GALNT13: variants seen among roughly 807,000 people sequenced by gnomAD.
GALNT13 encodes UDP-GalNAc:polypeptide N-acetylgalactosaminyltransferase 13.
Under a neutral mutation model 64.2 loss-of-function variants are expected in GALNT13, and 28 were observed. The observed-to-expected ratio is 0.44, with a 90% CI of 0.32 to 0.60. GALNT13 has a LOEUF of 0.60. Among genes scored for constraint, GALNT13 ranks in the 20% least tolerant of loss-of-function variants. The pLI, the probability that GALNT13 is intolerant of heterozygous loss-of-function variation, is 0.05. For synonymous variants in GALNT13, 214 were observed against 224.6 expected, an observed-to-expected ratio of 0.95 and a Z score of 0.42; for missense variants, 577 against 669.8, an observed-to-expected ratio of 0.86 and a Z score of 1.53.
At chr2:153,077,441 G>A in the GALNT13 span, among the ~76,000 whole-genome samples, 29 of 152,182 alleles carry the variant, frequency 1.9e-4, no homozygotes, top group African/African-American at 5.5e-4. Context: ...CTCTGATAAC[G>A]AAGTGTCAGA....
At chr2:154,251,651 T>A (rs1450907194) in intron 7 of GALNT13, among the ~76,000 whole-genome samples, 1 of 152,200 alleles carries the variant, frequency 6.6e-6, no homozygotes, top group Non-Finnish European at 1.5e-5. Flanking sequence ...CACATCTTCA[T>A]ACCCAAACAC....
chr2:153,398,316 C>T, the GALNT13 span, among the ~76,000 whole-genome samples: 14 of 152,146 alleles, frequency 9.2e-5, no homozygotes, highest in African/African-American at 3.4e-4. Flanking sequence ...TTAATCCAGT[C>T]TATCATTGTT....
chr2:154,390,205 A>G (rs1487220007), intron 9 of GALNT13, among the ~76,000 whole-genome samples: 1 of 152,208 alleles, frequency 6.6e-6, no homozygotes, highest in Admixed American at 6.5e-5. Flanking sequence ...CTATAATGCA[A>G]TAGACTTACT....
the GALNT13 span, among the ~76,000 whole-genome samples, chr2:153,731,506 A>G: frequency 1.3e-5 from 2 of 151,838 alleles, no homozygotes; most frequent in African/African-American, 4.8e-5. Context: ...CTGATAATAT[A>G]ATAATAATGT....
intron 3 of GALNT13, among the ~76,000 whole-genome samples, chr2:154,127,475 A>C (rs906687841): frequency 6.6e-6 from 1 of 152,104 alleles, no homozygotes; most frequent in Admixed American, 6.6e-5. Flanking sequence ...ATTTTGTTTA[A>C]AGTAGCACAG....
chr2:153,476,395 T>C, the GALNT13 span, among the ~76,000 whole-genome samples: 1 of 152,244 alleles, frequency 6.6e-6, no homozygotes, highest in Non-Finnish European at 1.5e-5. Flanking sequence ...AGCATCCTAG[T>C]GGATTCTTTA....
the GALNT13 span, among the ~76,000 whole-genome samples, chr2:153,647,861 T>G: frequency 6.6e-6 from 1 of 152,214 alleles, no homozygotes; most frequent in Non-Finnish European, 1.5e-5. Context: ...CTGTTTTGGT[T>G]ACTGTAGCCT....
At chr2:153,798,065 C>T in the GALNT13 span, among the ~76,000 whole-genome samples, 1 of 152,030 alleles carries the variant, frequency 6.6e-6, no homozygotes. Flanking sequence ...TAAAAATATC[C>T]CCAGAATATT....
chr2:153,297,014 A>G, the GALNT13 span, among the ~76,000 whole-genome samples: 198 of 152,334 alleles, frequency 1.3e-3, 6 homozygotes, highest in East Asian at 0.036. Flanking sequence ...AATGGAAGAG[A>G]GTATATTCCA....
chr2:153,105,835 A>G, the GALNT13 span, among the ~76,000 whole-genome samples: 2 of 152,294 alleles, frequency 1.3e-5, no homozygotes, highest in South Asian at 4.1e-4. Context: ...CTTCAAGGAG[A>G]ACTACAAACC....
chr2:153,614,480 T>A, the GALNT13 span, among the ~76,000 whole-genome samples: 1 of 152,040 alleles, frequency 6.6e-6, no homozygotes, highest in Non-Finnish European at 1.5e-5. Flanking sequence ...GGAGGTGGTC[T>A]AACATCTCTA....
chr2:153,136,339 C>T, the GALNT13 span, among the ~76,000 whole-genome samples: 1 of 152,052 alleles, frequency 6.6e-6, no homozygotes, highest in Non-Finnish European at 1.5e-5. Context: ...ACAGAGTATC[C>T]TCTGCATGTC....
At chr2:154,373,071 G>T (rs537677054) in intron 9 of GALNT13, among the ~76,000 whole-genome samples, 4 of 151,972 alleles carry the variant, frequency 2.6e-5, no homozygotes, top group Admixed American at 6.6e-5. Context: ...ATTTAAAGAA[G>T]TATTTTAATG....
chr2:154,105,581 T>C (rs1574507878), intron 3 of GALNT13, among the ~76,000 whole-genome samples: 1 of 152,300 alleles, frequency 6.6e-6, no homozygotes, highest in East Asian at 1.9e-4. Flanking sequence ...ATGATGTTCC[T>C]AGAATGATAA....
At chr2:153,408,778 T>A in the GALNT13 span, among the ~76,000 whole-genome samples, 2 of 152,194 alleles carry the variant, frequency 1.3e-5, no homozygotes, top group Admixed American at 6.5e-5. Context: ...TATTGAGTGT[T>A]AACTTTATTG....
intron 4 of GALNT13, among the ~76,000 whole-genome samples, chr2:154,153,583 C>T (rs1435535862): frequency 6.6e-6 from 1 of 152,222 alleles, no homozygotes; most frequent in African/African-American, 2.4e-5. Flanking sequence ...GTGGGCTCCA[C>T]CCATTTCGAG....
At chr2:154,070,361 G>A (rs551794152) in intron 3 of GALNT13, among the ~76,000 whole-genome samples, 1 of 152,198 alleles carries the variant, frequency 6.6e-6, no homozygotes, top group South Asian at 2.1e-4. Context: ...ATATCATACT[G>A]TCATATGGTT....
intron 3 of GALNT13, among the ~76,000 whole-genome samples, chr2:154,012,241 A>C (rs2105251433): frequency 6.6e-6 from 1 of 152,264 alleles, no homozygotes; most frequent in South Asian, 2.1e-4. Flanking sequence ...TTTCTTAAAG[A>C]CCTCATGTAA....
At chr2:153,540,894 C>A in the GALNT13 span, among the ~76,000 whole-genome samples, 1 of 152,154 alleles carries the variant, frequency 6.6e-6, no homozygotes, top group Non-Finnish European at 1.5e-5. Context: ...GGCTTATAGG[C>A]AGAAGGGACT....
Sources: allele counts gnomAD v4.1 joint callset (sites outside exome capture counted in the v4.1 genomes callset), GRCh38; gene constraint gnomAD v4.1.1; transcripts MANE v1.5; gene names NCBI Gene and HGNC (gene_info 2026-07-23, HGNC 2026-07-21).